The following ALDH8A1 variants were observed in gnomAD, a reference collection of about 807,000 sequenced individuals.
ALDH8A1 encodes aldehyde dehydrogenase 8 family member A1, also known as 2-aminomuconic semialdehyde dehydrogenase.
ALDH8A1 carries 39 observed loss-of-function variants against 43.3 expected under a neutral mutation model. The observed-to-expected ratio is 0.90, with a 90% CI of 0.70 to 1.18. ALDH8A1 has a LOEUF of 1.18. Among genes scored for constraint, ALDH8A1 ranks in the 50% most tolerant of loss-of-function variants. The pLI is 0.00. For missense variants in ALDH8A1, 605 were observed against 622.6 expected (o/e 0.97, Z 0.30); for synonymous variants, 233 against 243.5 (o/e 0.96, Z 0.40).
chr6:134,941,850 GA>G (rs971243180), intron 3 of ALDH8A1, among the ~76,000 whole-genome samples: 4 of 150,472 alleles, frequency 2.7e-5, no homozygotes, highest in South Asian at 2.1e-4. Flanking sequence ...AATATAAGTA[GA>G]AAAAAAAATC....
intron 4 of ALDH8A1, among the ~76,000 whole-genome samples, chr6:134,935,442 A>C (rs1773717261): frequency 6.6e-6 from 1 of 152,256 alleles, no homozygotes; most frequent in South Asian, 2.1e-4. Context: ...ATGAATGCTT[A>C]GTGTACGTTA....
At chr6:134,944,142 A>G (rs890741394) in intron 1 of ALDH8A1, 176 bp from the exon 2 acceptor site, 32 of 763,868 alleles carry the variant, frequency 4.2e-5, no homozygotes, top group Admixed American at 6.8e-5. Flanking sequence ...ATTTTGGCTC[A>G]CTGCAACCTC....
At chr6:134,926,788 G>A (rs546961792) in intron 6 of ALDH8A1, among the ~76,000 whole-genome samples, 6 of 143,216 alleles carry the variant, frequency 4.2e-5, no homozygotes, top group South Asian at 4.9e-4. Context: ...CAGCCTGGGC[G>A]ACAGAGTAAG....
intron 6 of ALDH8A1, among the ~76,000 whole-genome samples, chr6:134,920,748 G>T (rs1407939418): frequency 1.4e-5 from 2 of 138,368 alleles, no homozygotes; most frequent in Admixed American, 6.9e-5. Flanking sequence ...ATTCTGGGGG[G>T]GAGAAAAAAA....
Position 134,942,216 on chromosome 6 carries a change from T to C in ALDH8A1, c.442+193A>G. 1.0e-5 allele frequency: 7 copies of C among 689,738 alleles called. No individual in the cohort carries two copies. In the South Asian group the frequency reaches 1.7e-4, roughly 17 times the overall value. The allele number at this position is 689,738 out of a possible 1,614,324, so 42.7% of individuals were successfully genotyped here. ...GCCTGGGCGACAGAGCAAGACGCTG[T>C]CTAAAAAGAAAAGCAGGGAATTTGA... On this transcript the variant is annotated intron_variant, in intron 3 of 6. Coordinates refer to ENST00000265605, the MANE Select transcript of ALDH8A1 (RefSeq NM_022568.4).
chr6:134,950,073 T>G lies in ALDH8A1; in HGVS notation c.-20A>C, dbSNP rs369673218. ...AGCCATAGCAAGGAAAAATTCTGCC[T>G]TTCCTCTTTACGACTGAGCACTCAG... On this transcript the variant is annotated 5_prime_UTR_variant, in exon 1 of 7. Coordinates refer to ENST00000265605, the MANE Select transcript of ALDH8A1 (RefSeq NM_022568.4). 6.2e-7 allele frequency: 1 copy of G among 1,602,692 alleles called. No individual in the cohort carries two copies. The highest frequency in any genetic ancestry group is 1.3e-5 in the African/African-American group (1 of 74,854).
At chr6:134,921,765 C>T (rs1487018577) in intron 6 of ALDH8A1, among the ~76,000 whole-genome samples, 1 of 152,204 alleles carries the variant, frequency 6.6e-6, no homozygotes, top group African/African-American at 2.4e-5. Context: ...CAGATGGCAG[C>T]CCAGTCTTCC....
At position 134,932,941 on chromosome 6, in the gene ALDH8A1, G is replaced by T. The variant is rs1777011584; in HGVS notation, c.684C>A (p.Ser228=). 2 of 1,613,974 alleles carry T rather than the reference G, an allele frequency of 1.2e-6. No individual in the cohort carries two copies. The highest frequency in any genetic ancestry group is 1.3e-5 in the African/African-American group (1 of 74,940). ...LVSHPEVPLI[S]FTGSQPTAER... ...CAGCGGTGGGCTGGCTCCCGGTGAA[G>T]GAGATCAGGGGCACCTCTGGGTGGG... Residue 228 remains serine, a synonymous_variant, in exon 5 of 7, where the codon TCC becomes TCA. Coordinates refer to ENST00000265605, the MANE Select transcript of ALDH8A1 (RefSeq NM_022568.4).
chr6:134,922,976 CTCTGCCTTA>C (rs1234239332), intron 6 of ALDH8A1, among the ~76,000 whole-genome samples: 2 of 152,112 alleles, frequency 1.3e-5, no homozygotes, highest in Non-Finnish European at 2.9e-5. Flanking sequence ...TATAAAAACT[CTCTGCCTTA>C]TCTTTGAAAC....
chr6:134,932,990 G>C lies in ALDH8A1; in HGVS notation c.635C>G (p.Pro212Arg). ...GGACACCAGGGCCTCACCCACCCTG[G>C]GCCCGGTTCCAAACACAATATTGAC... ...GVVNIVFGTG[P>R]RVGEALVSHP... The change falls in exon 5 of 7, where the codon CCC becomes CGC. Residue 212 changes from proline (P) to arginine (R), a missense_variant. Physicochemically the swap from Pro to Arg is moderately radical, Grantham distance 103. Coordinates refer to ENST00000265605, the MANE Select transcript of ALDH8A1 (RefSeq NM_022568.4). The C allele has an allele frequency of 6.2e-7, 1 of 1,607,616 alleles. No individual in the cohort carries two copies. The highest frequency in any genetic ancestry group is 8.5e-7 in the Non-Finnish European group (1 of 1,176,950).
intron 3 of ALDH8A1, among the ~76,000 whole-genome samples, chr6:134,941,209 C>CT (rs917075290): frequency 1.9e-4 from 28 of 149,666 alleles, no homozygotes; most frequent in African/African-American, 2.2e-4. Flanking sequence ...ATAGTTCTTT[C>CT]TTTTTTTTTT....
rs1441251615 is a variant in ALDH8A1 at position 134,939,315 on chromosome 6, C to T, written c.543G>A (p.Glu181=). 1 of 1,614,126 alleles carries T rather than the reference C, an allele frequency of 6.2e-7. No individual in the cohort carries two copies. The highest frequency in any genetic ancestry group is 8.5e-7 in the Non-Finnish European group (1 of 1,180,048). The part of the protein sequence containing the change: ...AGNTVIAKPS[E]LTSVTAWMLC... ...ACATCCACGCAGTCACTGAAGTCAG[C>T]TCACTGGGCTTGGCTATCACAGTGT... is the stretch of plus-strand genomic sequence containing the variant. Residue 181 remains glutamate, a synonymous_variant, in exon 4 of 7, where the codon GAG becomes GAA. Coordinates refer to ENST00000265605, the MANE Select transcript of ALDH8A1 (RefSeq NM_022568.4).
intron 6 of ALDH8A1, among the ~76,000 whole-genome samples, chr6:134,922,784 T>C (rs1010982468): frequency 2.6e-5 from 4 of 152,214 alleles, no homozygotes; most frequent in African/African-American, 9.6e-5. Flanking sequence ...TATTTAGCTA[T>C]ACTTAGTTTT....
At chr6:134,926,235 G>A (rs1262198080) in intron 6 of ALDH8A1, among the ~76,000 whole-genome samples, 9 of 129,002 alleles carry the variant, frequency 7.0e-5, no homozygotes, top group Non-Finnish European at 1.2e-4. Flanking sequence ...TTGAGACAGC[G>A]TCTCATTCTG....
At chr6:134,941,685 C>T (rs531667690) in intron 3 of ALDH8A1, among the ~76,000 whole-genome samples, 10 of 151,842 alleles carry the variant, frequency 6.6e-5, no homozygotes, top group East Asian at 2.0e-4. Flanking sequence ...CCACCGCGCC[C>T]GGTGAATTTT....
chr6:134,923,289 C>T (rs1776834803), intron 6 of ALDH8A1, among the ~76,000 whole-genome samples: 1 of 151,870 alleles, frequency 6.6e-6, no homozygotes, highest in South Asian at 2.1e-4. Flanking sequence ...CTCGGCCTCC[C>T]ACAGTGCTAG....
At chr6:134,933,137 A>G (rs2114692888) in intron 4 of ALDH8A1, 105 bp from the exon 5 acceptor site, 1 of 1,306,932 alleles carries the variant, frequency 7.7e-7, no homozygotes. Flanking sequence ...GGGAGTGGGT[A>G]GGGATGGAGG....
chr6:134,921,525 G>A (rs1055924706), intron 6 of ALDH8A1, among the ~76,000 whole-genome samples: 11 of 152,200 alleles, frequency 7.2e-5, no homozygotes, highest in African/African-American at 2.7e-4. Context: ...TGAGACCCTG[G>A]GAAATCATAC....
intron 6 of ALDH8A1, among the ~76,000 whole-genome samples, chr6:134,925,356 C>T (rs76133768): frequency 0.025 from 3,804 of 152,196 alleles, 145 homozygotes; most frequent in African/African-American, 0.085. Context: ...GCTCCAGGCT[C>T]GGATGGTTTC....
Sources: gnomAD v4.1 joint callset for allele counts (sites outside exome capture counted in the v4.1 genomes callset) on GRCh38, gnomAD v4.1.1 for gene constraint, MANE v1.5 for transcripts, NCBI Gene and HGNC (gene_info 2026-07-23, HGNC 2026-07-21) for gene names.